HMG20A: variants seen among roughly 807,000 people sequenced by gnomAD.
The protein encoded by HMG20A is high mobility group protein 20A.
In HMG20A, 17 loss-of-function variants were observed where a neutral mutation model predicts 43.9. That is an observed-to-expected ratio of 0.39 (90% CI 0.27 to 0.58). The LOEUF is 0.58. Ranked by LOEUF, HMG20A falls within the 20% of genes least tolerant of loss-of-function variation. The probability of loss-of-function intolerance (pLI) is 0.59; values close to 1 mark genes in which losing one functional copy is unlikely to be tolerated. For synonymous variants in HMG20A, 132 were observed against 147.5 expected (o/e 0.89, Z 0.76); for missense variants, 341 against 438.2 (o/e 0.78, Z 1.98).
the HMG20A span, among the ~76,000 whole-genome samples, chr15:77,494,569 G>C: frequency 6.6e-6 from 1 of 152,318 alleles, no homozygotes; most frequent in Admixed American, 6.5e-5. Flanking sequence ...ACATGAGTCT[G>C]CCACATGAGA....
At chr15:77,455,141 A>T (rs1402742604) in intron 1 of HMG20A, among the ~76,000 whole-genome samples, 1 of 151,750 alleles carries the variant, frequency 6.6e-6, no homozygotes, top group Non-Finnish European at 1.5e-5. Context: ...GCACTGTCCA[A>T]CACATTTGGA....
intron 1 of HMG20A, among the ~76,000 whole-genome samples, chr15:77,428,906 T>C (rs2073454407): frequency 6.7e-6 from 1 of 149,916 alleles, no homozygotes; most frequent in Non-Finnish European, 1.5e-5. Context: ...TTCAAGGCTG[T>C]GAGCTGTTAT....
At chr15:77,498,282 G>A in the HMG20A span, among the ~76,000 whole-genome samples, 1 of 152,166 alleles carries the variant, frequency 6.6e-6, no homozygotes, top group Non-Finnish European at 1.5e-5. Context: ...CTCTTTGGAA[G>A]CATTAAGGGA....
chr15:77,468,652 C>T (rs1437835531), intron 4 of HMG20A, among the ~76,000 whole-genome samples: 2 of 151,838 alleles, frequency 1.3e-5, no homozygotes, highest in East Asian at 1.9e-4. Flanking sequence ...CAGACACACA[C>T]AAAATTTTGT....
chr15:77,445,510 C>T (rs1008297625), intron 1 of HMG20A, among the ~76,000 whole-genome samples: 4 of 152,200 alleles, frequency 2.6e-5, no homozygotes, highest in African/African-American at 9.7e-5. Context: ...ATGAATTTCT[C>T]CTTCTTCACA....
chr15:77,474,246 G>C (rs1399227775), intron 6 of HMG20A, among the ~76,000 whole-genome samples: 1 of 152,126 alleles, frequency 6.6e-6, no homozygotes, highest in African/African-American at 2.4e-5. Flanking sequence ...TTTAATAAAA[G>C]AGCAAATATC....
intron 3 of HMG20A, 71 bp from the exon 4 acceptor site, chr15:77,467,021 TTTG>T: frequency 1.6e-6 from 2 of 1,243,282 alleles, no homozygotes; most frequent in Non-Finnish European, 2.3e-6. Context: ...GTTGTTTGTT[TTTG>T]TTGTTGTTGG....
intron 1 of HMG20A, among the ~76,000 whole-genome samples, chr15:77,432,575 A>G (rs2073496946): frequency 6.6e-6 from 1 of 152,048 alleles, no homozygotes; most frequent in Non-Finnish European, 1.5e-5. Flanking sequence ...TACAAAAATT[A>G]GCTGGGCGTA....
chr15:77,436,453 C>CT (rs753978668), intron 1 of HMG20A, among the ~76,000 whole-genome samples: 1,640 of 145,218 alleles, frequency 0.011, 14 homozygotes, highest in African/African-American at 0.028. Flanking sequence ...GATCCATTTT[C>CT]TTTTTTTTTT....
At chr15:77,457,505 C>T (rs2072665949) in intron 1 of HMG20A, among the ~76,000 whole-genome samples, 2 of 152,234 alleles carry the variant, frequency 1.3e-5, no homozygotes, top group South Asian at 4.1e-4. Context: ...AAGACTGCTG[C>T]TTTTAACTAC....
At chr15:77,516,281 T>G in the HMG20A span, among the ~76,000 whole-genome samples, 2 of 152,258 alleles carry the variant, frequency 1.3e-5, no homozygotes, top group South Asian at 4.1e-4. Flanking sequence ...GTCAAGGTTG[T>G]GAACTTTTGC....
At position 77,468,597 on chromosome 15, in the gene HMG20A, T is replaced by TCACA. The variant is rs141417839; in HGVS notation, c.450+1316_450+1319dup. Among the ~76,000 whole-genome samples, 1,104 of 147,798 alleles carry TCACA rather than the reference T, an allele frequency of 7.5e-3. 14 individuals carry two copies. The highest frequency in any genetic ancestry group is 0.026 in the African/African-American group (1,021 of 39,974). On this transcript the variant is annotated intron_variant, in intron 4 of 9. Transcript: ENST00000336216. ...TTCTCTCTCTCTCTCTCTCTCTCTGTCACACACACACACACACACACACAC... is the reference window on the plus strand; with the variant it reads ...TTCTCTCTCTCTCTCTCTCTCTCTGTCACACACACACACACACACACACACACAC...
chr15:77,442,323 A>G (rs763968633), intron 1 of HMG20A, among the ~76,000 whole-genome samples: 5 of 152,192 alleles, frequency 3.3e-5, no homozygotes, highest in Non-Finnish European at 7.3e-5. Context: ...GATATTCAAT[A>G]AGGAAGTCAC....
intron 2 of HMG20A, among the ~76,000 whole-genome samples, chr15:77,463,880 T>C (rs1445488361): frequency 6.6e-6 from 1 of 152,238 alleles, no homozygotes; most frequent in Non-Finnish European, 1.5e-5. Flanking sequence ...TTTTCATTAA[T>C]AGTGTTTTCC....
intron 1 of HMG20A, among the ~76,000 whole-genome samples, chr15:77,429,240 C>T (rs1392652495): frequency 6.6e-6 from 1 of 151,546 alleles, no homozygotes; most frequent in Non-Finnish European, 1.5e-5. Context: ...TTTTTTGAGA[C>T]GGAGTCTTGC....
intron 1 of HMG20A, among the ~76,000 whole-genome samples, chr15:77,434,693 CCT>C (rs1273134094): frequency 6.6e-6 from 1 of 152,096 alleles, no homozygotes; most frequent in African/African-American, 2.4e-5. Context: ...TATCTTGAGG[CCT>C]CTCACTACAT....
the HMG20A span, among the ~76,000 whole-genome samples, chr15:77,511,770 T>C: frequency 1.3e-5 from 2 of 152,276 alleles, no homozygotes; most frequent in Middle Eastern, 6.8e-3. Flanking sequence ...GCATGGGTGA[T>C]GATGTGAGAA....
At chr15:77,451,070 C>T (rs1371291872) in intron 1 of HMG20A, among the ~76,000 whole-genome samples, 1 of 152,186 alleles carries the variant, frequency 6.6e-6, no homozygotes, top group Non-Finnish European at 1.5e-5. Flanking sequence ...ACTAAGTTTC[C>T]TCCATGTCTT....
the HMG20A span, among the ~76,000 whole-genome samples, chr15:77,519,248 A>G: frequency 6.6e-6 from 1 of 152,164 alleles, no homozygotes; most frequent in East Asian, 1.9e-4. Flanking sequence ...TGGGCAACAA[A>G]CCCTGTCTTC....
Sources: gnomAD v4.1 joint callset for allele counts (sites outside exome capture counted in the v4.1 genomes callset) on GRCh38, gnomAD v4.1.1 for gene constraint, MANE v1.5 for transcripts, NCBI Gene and HGNC (gene_info 2026-07-23, HGNC 2026-07-21) for gene names.